Variants in CIMAP3 observed in about 807,000 individuals in gnomAD.
The protein encoded by CIMAP3 is ciliary microtubule associated protein 3.
At chr1:111,348,398 G>A in the CIMAP3 span, 1 of 1,121,092 alleles carries the variant, frequency 8.9e-7, no homozygotes, top group East Asian at 2.6e-5. Context: ...TGAGGTGGCT[G>A]AACCATAGCT....
At chr1:111,324,930 A>C in the CIMAP3 span, 212 of 929,294 alleles carry the variant, frequency 2.3e-4, no homozygotes, top group Middle Eastern at 5.5e-4. Flanking sequence ...ATGAAAACTC[A>C]TCCTTTTAGC....
the CIMAP3 span, chr1:111,349,019 A>G: frequency 5.5e-5 from 9 of 163,026 alleles, no homozygotes; most frequent in East Asian, 1.3e-3. Flanking sequence ...TAGTCAAACG[A>G]TGACACTTCT....
chr1:111,348,640 A>G, the CIMAP3 span: 6 of 1,593,188 alleles, frequency 3.8e-6, no homozygotes, highest in Non-Finnish European at 5.1e-6. Context: ...GACACTTACT[A>G]TCCCAGGTAT....
the CIMAP3 span, among the ~76,000 whole-genome samples, chr1:111,339,090 C>T: frequency 6.8e-3 from 1,029 of 151,746 alleles, 10 homozygotes; most frequent in African/African-American, 0.023. Flanking sequence ...ATAAACAGAA[C>T]CAAAGACAAA....
chr1:111,341,627 TAA>T, the CIMAP3 span, among the ~76,000 whole-genome samples: 1 of 152,212 alleles, frequency 6.6e-6, no homozygotes, highest in African/African-American at 2.4e-5. Context: ...GGCTTACAGG[TAA>T]TGTATCAACA....
At chr1:111,349,210 C>T in the CIMAP3 span, 11 of 152,424 alleles carry the variant, frequency 7.2e-5, no homozygotes, top group African/African-American at 2.6e-4. Flanking sequence ...TGACAGTTAA[C>T]CTGAGATCTA....
chr1:111,351,314 T>C, the CIMAP3 span: 1 of 1,578,268 alleles, frequency 6.3e-7, no homozygotes, highest in Non-Finnish European at 8.6e-7. Context: ...TACCTAAGCC[T>C]GTATTATAAT....
the CIMAP3 span, among the ~76,000 whole-genome samples, chr1:111,350,844 G>A: frequency 1.1e-4 from 16 of 152,182 alleles, no homozygotes; most frequent in South Asian, 2.1e-4. Context: ...CATAGTAATT[G>A]TTCAATCTGT....
chr1:111,334,319 A>G, the CIMAP3 span, among the ~76,000 whole-genome samples: 46,107 of 152,150 alleles, frequency 0.3, 7,670 homozygotes, highest in South Asian at 0.42. Flanking sequence ...GCAGGGCTCC[A>G]ATCATTTACC....
the CIMAP3 span, among the ~76,000 whole-genome samples, chr1:111,338,915 A>C: frequency 1.3e-5 from 2 of 152,258 alleles, no homozygotes; most frequent in African/African-American, 4.8e-5. Flanking sequence ...AGAGAATTTT[A>C]GACCAATATC....
At chr1:111,325,796 GA>G in the CIMAP3 span, among the ~76,000 whole-genome samples, 1 of 152,154 alleles carries the variant, frequency 6.6e-6, no homozygotes, top group South Asian at 2.1e-4. Flanking sequence ...CCAGAATTAA[GA>G]GATCAGAAGT....
At chr1:111,344,521 G>A in the CIMAP3 span, among the ~76,000 whole-genome samples, 1 of 152,132 alleles carries the variant, frequency 6.6e-6, no homozygotes, top group Admixed American at 6.5e-5. Flanking sequence ...TTCTCTCTGA[G>A]ATTTTGGTTC....
chr1:111,349,771 C>T, the CIMAP3 span: 1 of 193,842 alleles, frequency 5.2e-6, no homozygotes, highest in African/African-American at 2.3e-5. Flanking sequence ...GTGGGCAGTA[C>T]TAATTCATCA....
the CIMAP3 span, among the ~76,000 whole-genome samples, chr1:111,327,499 T>A: frequency 6.6e-6 from 1 of 152,092 alleles, no homozygotes. Flanking sequence ...GCTTTTTTTT[T>A]ATTTGTAGGC....
chr1:111,338,110 G>A, the CIMAP3 span, among the ~76,000 whole-genome samples: 9 of 150,138 alleles, frequency 6.0e-5, no homozygotes, highest in Admixed American at 5.3e-4. Context: ...GGTACATAAC[G>A]AAATGAAGGC....
the CIMAP3 span, among the ~76,000 whole-genome samples, chr1:111,330,565 C>T: frequency 2.6e-5 from 4 of 152,196 alleles, no homozygotes; most frequent in Admixed American, 6.5e-5. Flanking sequence ...TGTTTCTGCA[C>T]AGTTGCAGCA....
At chr1:111,350,094 T>C in the CIMAP3 span, 2 of 1,603,186 alleles carry the variant, frequency 1.2e-6, no homozygotes, top group Non-Finnish European at 8.5e-7. Flanking sequence ...ATGCTTGTAT[T>C]TTTATTTCTA....
the CIMAP3 span, among the ~76,000 whole-genome samples, chr1:111,336,313 C>T: frequency 0.077 from 11,741 of 152,242 alleles, 567 homozygotes; most frequent in African/African-American, 0.13. Context: ...TCCAAAGGAA[C>T]GCAGTTCCTC....
At chr1:111,346,850 A>G in the CIMAP3 span, 1 of 1,595,748 alleles carries the variant, frequency 6.3e-7, no homozygotes, top group Non-Finnish European at 8.6e-7. Context: ...CCCCTCCCGG[A>G]ACGCGCTCAC....
Sources: gnomAD v4.1 joint callset for allele counts (sites outside exome capture counted in the v4.1 genomes callset) on GRCh38, gnomAD v4.1.1 for gene constraint, MANE v1.5 for transcripts, NCBI Gene and HGNC (gene_info 2026-07-23, HGNC 2026-07-21) for gene names.